The following CATSPERB variants were observed in gnomAD, a reference collection of about 807,000 sequenced individuals.
CATSPERB encodes catsper channel auxiliary subunit beta.
A neutral mutation model predicts 128.3 loss-of-function variants in CATSPERB; 93 were observed. That is an observed-to-expected ratio of 0.72 (90% CI 0.61 to 0.86). CATSPERB has a LOEUF of 0.86. Among genes scored for constraint, CATSPERB ranks in the 40% least tolerant of loss-of-function variants. The pLI, the probability that CATSPERB is intolerant of heterozygous loss-of-function variation, is 0.00. For missense variants in CATSPERB, 1,153 were observed against 1,329.5 expected (o/e 0.87, Z 2.06); for synonymous variants, 381 against 448.8 (o/e 0.85, Z 1.91).
chr14:91,725,239 A>G, intron 2 of CATSPERB, 71 bp from the exon 3 acceptor site: 1 of 568,742 alleles, frequency 1.8e-6, no homozygotes, highest in Non-Finnish European at 2.8e-6. Context: ...CCATGTTTCT[A>G]AAACTGACAA....
intron 22 of CATSPERB, among the ~76,000 whole-genome samples, chr14:91,598,637 T>A (rs1349193333): frequency 6.6e-6 from 1 of 152,072 alleles, no homozygotes; most frequent in African/African-American, 2.4e-5. Flanking sequence ...GGCAGGTGGA[T>A]CACAAGGTCA....
At chr14:91,586,078 T>C (rs1238893920) in intron 26 of CATSPERB, among the ~76,000 whole-genome samples, 1 of 152,172 alleles carries the variant, frequency 6.6e-6, no homozygotes, top group Non-Finnish European at 1.5e-5. Flanking sequence ...AACTAGAGGA[T>C]GTTTACTTTG....
At chr14:91,597,348 TTTGAG>T in intron 22 of CATSPERB, among the ~76,000 whole-genome samples, 1 of 152,310 alleles carries the variant, frequency 6.6e-6, no homozygotes, top group East Asian at 1.9e-4. Flanking sequence ...ACCTTCATTA[TTTGAG>T]TTGAGACTTA....
At chr14:91,691,587 T>C in intron 9 of CATSPERB, 32 bp from the exon 10 acceptor site, 1 of 1,579,874 alleles carries the variant, frequency 6.3e-7, no homozygotes, top group Non-Finnish European at 8.6e-7. Context: ...TAATTTTTGC[T>C]TGCATATCAG....
At chr14:91,590,692 G>A (rs940509423) in intron 23 of CATSPERB, among the ~76,000 whole-genome samples, 1 of 148,004 alleles carries the variant, frequency 6.8e-6, no homozygotes, top group Admixed American at 6.8e-5. Context: ...TTGCTCTGTC[G>A]CCCAGGCTAG....
At chr14:91,709,119 A>C (rs1895787326) in intron 5 of CATSPERB, 1 of 152,224 alleles carries the variant, frequency 6.6e-6, no homozygotes, top group East Asian at 1.9e-4. Flanking sequence ...CCATGGCTAC[A>C]CTGGTGGCTA....
chr14:91,632,620 T>G (rs1000770057), intron 17 of CATSPERB, among the ~76,000 whole-genome samples: 25 of 152,114 alleles, frequency 1.6e-4, no homozygotes, highest in Non-Finnish European at 8.8e-5. Flanking sequence ...GTATACACAG[T>G]AGGAAAGTTT....
chr14:91,690,826 C>T (rs192822433), intron 10 of CATSPERB, among the ~76,000 whole-genome samples: 3 of 152,336 alleles, frequency 2.0e-5, no homozygotes, highest in South Asian at 2.1e-4. Flanking sequence ...CAGTGCCTGG[C>T]GAGGGCCACC....
chr14:91,597,239 A>C (rs1173542567), intron 22 of CATSPERB, among the ~76,000 whole-genome samples: 1 of 152,172 alleles, frequency 6.6e-6, no homozygotes, highest in African/African-American at 2.4e-5. Flanking sequence ...CAAATATAAA[A>C]GCTTTAAAAC....
At chr14:91,725,190 T>G in intron 2 of CATSPERB, 22 bp from the exon 3 acceptor site, 1 of 1,200,818 alleles carries the variant, frequency 8.3e-7, no homozygotes, top group East Asian at 2.7e-5. Context: ...AAAAAATACA[T>G]ATATTAGATC....
At chr14:91,657,726 T>G (rs1408938702) in intron 15 of CATSPERB, among the ~76,000 whole-genome samples, 1 of 152,154 alleles carries the variant, frequency 6.6e-6, no homozygotes, top group Non-Finnish European at 1.5e-5. Flanking sequence ...TAGACATTTC[T>G]CAAAAGATGA....
chr14:91,647,681 A>G (rs903443897), intron 15 of CATSPERB, among the ~76,000 whole-genome samples: 1 of 152,166 alleles, frequency 6.6e-6, no homozygotes, highest in African/African-American at 2.4e-5. Context: ...AGATCTTGTG[A>G]GACTTATTCA....
At chr14:91,597,658 C>G (rs990867688) in intron 22 of CATSPERB, among the ~76,000 whole-genome samples, 1 of 152,100 alleles carries the variant, frequency 6.6e-6, no homozygotes, top group South Asian at 2.1e-4. Context: ...ATGTGCCCAC[C>G]TCTTCTGCGA....
chr14:91,636,414 C>T lies in CATSPERB; in HGVS notation c.1742+11G>A, dbSNP rs758284145. 3 of 1,609,750 alleles carry T rather than the reference C, an allele frequency of 1.9e-6. No individual in the cohort carries two copies. The highest frequency in any genetic ancestry group is 1.7e-5 in the Admixed American group (1 of 58,962). ...AACCAATATGCCATCTAAATAAATG[C>T]ATATCACTACCCAGAGTGTATCACT... On this transcript the variant is annotated intron_variant, in intron 17 of 26. Transcript: ENST00000256343.
chr14:91,582,776 C>A (rs529464006), intron 26 of CATSPERB, among the ~76,000 whole-genome samples: 2 of 152,218 alleles, frequency 1.3e-5, no homozygotes, highest in African/African-American at 4.8e-5. Flanking sequence ...CCACACCCTA[C>A]GTCCCCTGTC....
Position 91,662,112 on chromosome 14 carries a change from C to A in CATSPERB, c.1288-2131G>T, listed in dbSNP as rs1035020312. ...CTGTGTGAACTGAAAACCTATGAAT[C>A]GGCATATTGCTAGTAATTTACATCT... is the stretch of plus-strand genomic sequence containing the variant. On this transcript the variant is annotated intron_variant, in intron 14 of 26. Transcript: ENST00000256343. 2.6e-5 allele frequency among the ~76,000 whole-genome samples: 4 copies of A among 152,004 alleles called. No individual in the cohort carries two copies. In the South Asian group the frequency reaches 8.3e-4, roughly 32 times the overall value.
intron 7 of CATSPERB, among the ~76,000 whole-genome samples, chr14:91,701,486 A>C (rs1566735452): frequency 6.6e-6 from 1 of 152,174 alleles, no homozygotes; most frequent in Non-Finnish European, 1.5e-5. Context: ...TTCTAATGAA[A>C]GGATTTGGGT....
chr14:91,710,991 A>G (rs1895830968), intron 5 of CATSPERB, among the ~76,000 whole-genome samples: 1 of 152,162 alleles, frequency 6.6e-6, no homozygotes, highest in Non-Finnish European at 1.5e-5. Flanking sequence ...TTCTGGATGT[A>G]GCATATACCC....
chr14:91,695,538 C>A (rs1390682087), intron 7 of CATSPERB, among the ~76,000 whole-genome samples: 1 of 152,168 alleles, frequency 6.6e-6, no homozygotes, highest in Non-Finnish European at 1.5e-5. Context: ...AAAATAAACA[C>A]TTTATGCTGG....
Sources: gnomAD v4.1 joint callset for allele counts (sites outside exome capture counted in the v4.1 genomes callset) on GRCh38, gnomAD v4.1.1 for gene constraint, MANE v1.5 for transcripts, NCBI Gene and HGNC (gene_info 2026-07-23, HGNC 2026-07-21) for gene names.